The following GALK2 variants were observed in gnomAD, a reference collection of about 807,000 sequenced individuals.
GALK2 encodes N-acetylgalactosamine kinase.
Under a neutral mutation model 52.4 loss-of-function variants are expected in GALK2, and 36 were observed. The ratio of observed to expected loss-of-function variants is 0.69; its 90% confidence interval spans 0.53 to 0.91. The LOEUF (loss-of-function observed/expected upper bound fraction) is 0.91, where lower values mean the gene tolerates loss of function less well. Ranked by LOEUF, GALK2 falls within the 40% of genes least tolerant of loss-of-function variation. The pLI is 0.00. For synonymous variants in GALK2, 176 were observed against 199.1 expected (o/e 0.88, Z 0.98); for missense variants, 579 against 559.1 (o/e 1.04, Z -0.36).
intron 5 of GALK2, among the ~76,000 whole-genome samples, chr15:49,246,625 A>T: frequency 6.6e-6 from 1 of 152,322 alleles, no homozygotes; most frequent in East Asian, 1.9e-4. Context: ...TGTCAAAAAC[A>T]CAATTTACAT....
At chr15:49,303,955 T>C (rs1391708098) in intron 8 of GALK2, among the ~76,000 whole-genome samples, 1 of 152,244 alleles carries the variant, frequency 6.6e-6, no homozygotes, top group Non-Finnish European at 1.5e-5. Flanking sequence ...ATCATGGATG[T>C]ATCTCTGTCT....
intron 5 of GALK2, among the ~76,000 whole-genome samples, chr15:49,258,624 A>G (rs970430468): frequency 2.6e-5 from 4 of 152,086 alleles, no homozygotes; most frequent in African/African-American, 9.7e-5. Context: ...TAAAGTATGT[A>G]ACTCAGGTCC....
At chr15:49,289,779 C>A (rs989922623) in intron 7 of GALK2, among the ~76,000 whole-genome samples, 1 of 152,078 alleles carries the variant, frequency 6.6e-6, no homozygotes, top group Non-Finnish European at 1.5e-5. Flanking sequence ...GATCACCTTC[C>A]CCTCAAATTC....
chr15:49,188,698 A>G (rs935031682), intron 1 of GALK2, among the ~76,000 whole-genome samples: 2 of 152,258 alleles, frequency 1.3e-5, no homozygotes, highest in Middle Eastern at 3.4e-3. Flanking sequence ...AGAGGGTTCT[A>G]TTTGGTTATC....
At chr15:49,263,993 G>T (rs1414079848) in intron 5 of GALK2, among the ~76,000 whole-genome samples, 7 of 151,920 alleles carry the variant, frequency 4.6e-5, no homozygotes, top group Non-Finnish European at 8.8e-5. Flanking sequence ...CTCTCTAGCT[G>T]TCCTTAACAT....
upstream of GALK2, among the ~76,000 whole-genome samples, chr15:49,166,728 A>G (rs918527671): frequency 2.6e-5 from 4 of 152,206 alleles, no homozygotes; most frequent in African/African-American, 9.6e-5. Context: ...ACAACAAAAA[A>G]GAAGGAATGT....
chr15:49,366,798 C>T (rs2045290698), intron 3 of GALK2: 5 of 571,410 alleles, frequency 8.8e-6, no homozygotes, highest in East Asian at 3.2e-5. Context: ...AGGCTGGGAT[C>T]GCCGCTGCTG....
chr15:49,347,114 C>T (rs1246681543), intron 3 of GALK2, among the ~76,000 whole-genome samples: 1 of 152,118 alleles, frequency 6.6e-6, no homozygotes. Flanking sequence ...CTATTTAATA[C>T]ATCATTATCA....
chr15:49,255,748 TTTAAAAGTGTA>T (rs1401344904), intron 5 of GALK2, among the ~76,000 whole-genome samples: 1 of 152,144 alleles, frequency 6.6e-6, no homozygotes, highest in Non-Finnish European at 1.5e-5. Flanking sequence ...ATAAAAGTTC[TTTAAAAGTGTA>T]TTAAAAGTGA....
At chr15:49,307,619 C>T (rs757270069) in intron 8 of GALK2, among the ~76,000 whole-genome samples, 12 of 152,024 alleles carry the variant, frequency 7.9e-5, no homozygotes, top group Admixed American at 5.9e-4. Context: ...CATATGCCAG[C>T]GTGTAAAATG....
intron 5 of GALK2, among the ~76,000 whole-genome samples, chr15:49,267,833 A>G (rs2092409051): frequency 6.6e-6 from 1 of 152,148 alleles, no homozygotes; most frequent in Non-Finnish European, 1.5e-5. Context: ...ACTATAATGA[A>G]TTTTCTAGAT....
At chr15:49,201,834 T>A (rs1309504717) in intron 2 of GALK2, among the ~76,000 whole-genome samples, 1 of 152,238 alleles carries the variant, frequency 6.6e-6, no homozygotes, top group Non-Finnish European at 1.5e-5. Flanking sequence ...TTTTTTCATT[T>A]AATATATCAT....
intron 1 of GALK2, among the ~76,000 whole-genome samples, chr15:49,186,652 G>A (rs1195091379): frequency 6.7e-6 from 1 of 149,770 alleles, no homozygotes; most frequent in African/African-American, 2.5e-5. Flanking sequence ...TGATTCTCCT[G>A]CCTCAACCTC....
chr15:49,201,068 G>A, intron 1 of GALK2, 94 bp from the exon 2 acceptor site: 1 of 641,816 alleles, frequency 1.6e-6, no homozygotes, highest in Non-Finnish European at 2.8e-6. Context: ...GTGTGTGTGT[G>A]TGTGTGTGTG....
chr15:49,264,799 C>T (rs564556367), intron 5 of GALK2, among the ~76,000 whole-genome samples: 2,579 of 152,320 alleles, frequency 0.017, 34 homozygotes, highest in Middle Eastern at 0.031. Flanking sequence ...ACAGACAGGA[C>T]CCTCAGCTGC....
intron 7 of GALK2, among the ~76,000 whole-genome samples, chr15:49,284,482 G>A (rs191330480): frequency 6.6e-6 from 1 of 152,234 alleles, no homozygotes; most frequent in African/African-American, 2.4e-5. Flanking sequence ...CTCATAATAC[G>A]ACTAGAAAGT....
At chr15:49,340,958 G>T (rs1175884406) in intron 3 of GALK2, among the ~76,000 whole-genome samples, 1 of 152,142 alleles carries the variant, frequency 6.6e-6, no homozygotes, top group African/African-American at 2.4e-5. Context: ...AAAGGAAAGG[G>T]TCCAGTTCCA....
At chr15:49,311,579 T>G (rs977427831) in intron 8 of GALK2, among the ~76,000 whole-genome samples, 3 of 152,244 alleles carry the variant, frequency 2.0e-5, no homozygotes, top group African/African-American at 4.8e-5. Flanking sequence ...TATCCCACCA[T>G]TTCATTGGTT....
chr15:49,314,525 A>C (rs1213397136), intron 8 of GALK2, among the ~76,000 whole-genome samples: 1 of 152,182 alleles, frequency 6.6e-6, no homozygotes, highest in Non-Finnish European at 1.5e-5. Flanking sequence ...ACTACTGTTT[A>C]TTTAGCCTAG....
Sources: gnomAD v4.1 joint callset for allele counts (sites outside exome capture counted in the v4.1 genomes callset) on GRCh38, gnomAD v4.1.1 for gene constraint, MANE v1.5 for transcripts, NCBI Gene and HGNC (gene_info 2026-07-23, HGNC 2026-07-21) for gene names.